Variants in SPON1 observed in about 807,000 individuals in gnomAD.
SPON1 encodes the protein spondin-1.
In SPON1, 52 loss-of-function variants were observed where a neutral mutation model predicts 111.7. The ratio of observed to expected loss-of-function variants is 0.47; its 90% CI spans 0.37 to 0.59. The LOEUF is 0.59. Among genes scored for constraint, SPON1 ranks in the 20% least tolerant of loss-of-function variants. The pLI is 0.00. For synonymous variants in SPON1, 410 were observed against 395.8 expected (o/e 1.04, Z -0.43); for missense variants, 957 against 1,068.5 (o/e 0.90, Z 1.46).
At chr11:14,088,185 G>T (rs1849021765) in intron 5 of SPON1, among the ~76,000 whole-genome samples, 1 of 152,090 alleles carries the variant, frequency 6.6e-6, no homozygotes, top group African/African-American at 2.4e-5. Context: ...GATGCTAGCT[G>T]GTTATTTTGC....
chr11:14,140,502 C>G (rs908582043), intron 6 of SPON1, among the ~76,000 whole-genome samples: 2 of 152,308 alleles, frequency 1.3e-5, no homozygotes, highest in East Asian at 3.9e-4. Context: ...TCAAGCGATT[C>G]TCCTGCCTCA....
intron 5 of SPON1, among the ~76,000 whole-genome samples, chr11:14,121,206 A>G (rs1849302309): frequency 6.6e-6 from 1 of 152,216 alleles, no homozygotes. Flanking sequence ...AGGTAATACA[A>G]CTATTCATTA....
At chr11:14,120,209 G>T (rs1032765522) in intron 5 of SPON1, among the ~76,000 whole-genome samples, 2 of 152,252 alleles carry the variant, frequency 1.3e-5, no homozygotes. Context: ...ATATAGTAAA[G>T]TCTCACTACA....
chr11:14,044,632 A>C (rs1207845583), intron 3 of SPON1, among the ~76,000 whole-genome samples: 1 of 152,046 alleles, frequency 6.6e-6, no homozygotes, highest in Non-Finnish European at 1.5e-5. Flanking sequence ...ACAAACAAAT[A>C]AAATCCATAG....
intron 6 of SPON1, among the ~76,000 whole-genome samples, chr11:14,231,258 G>A (rs11023154): frequency 0.26 from 39,419 of 151,068 alleles, 5,401 homozygotes; most frequent in Admixed American, 0.37. Flanking sequence ...CTCAGCCTCC[G>A]GAGTAGCTGG....
intron 6 of SPON1, among the ~76,000 whole-genome samples, chr11:14,158,299 G>T (rs531580021): frequency 7.2e-5 from 11 of 152,160 alleles, no homozygotes; most frequent in Non-Finnish European, 1.3e-4. Context: ...CTTCCTTATG[G>T]TTTCCAATTT....
At chr11:14,044,575 G>A (rs1450294048) in intron 3 of SPON1, among the ~76,000 whole-genome samples, 1 of 152,170 alleles carries the variant, frequency 6.6e-6, no homozygotes, top group Non-Finnish European at 1.5e-5. Flanking sequence ...CTGTGCCACC[G>A]CACTCCAGCC....
chr11:14,143,331 G>T (rs1328190635), intron 6 of SPON1, among the ~76,000 whole-genome samples: 1 of 152,190 alleles, frequency 6.6e-6, no homozygotes, highest in Non-Finnish European at 1.5e-5. Context: ...GGAGGCTGAG[G>T]TGGGCAGATC....
intron 6 of SPON1, among the ~76,000 whole-genome samples, chr11:14,179,069 G>A (rs1250556543): frequency 6.6e-6 from 1 of 152,148 alleles, no homozygotes; most frequent in African/African-American, 2.4e-5. Flanking sequence ...AAAATTCAGG[G>A]TATGGTGGTC....
chr11:14,174,657 C>CA (rs1202773582), intron 6 of SPON1, among the ~76,000 whole-genome samples: 8 of 126,174 alleles, frequency 6.3e-5, no homozygotes, highest in Non-Finnish European at 1.0e-4. Flanking sequence ...TGTGGCAAGA[C>CA]AAAAAAAAGA....
chr11:14,009,979 T>A (rs1848391437), intron 2 of SPON1, among the ~76,000 whole-genome samples: 1 of 152,220 alleles, frequency 6.6e-6, no homozygotes, highest in Admixed American at 6.5e-5. Context: ...ACTGTATCAA[T>A]GTCTGTCTTT....
intron 7 of SPON1, among the ~76,000 whole-genome samples, chr11:14,245,008 G>A (rs1386593120): frequency 6.6e-6 from 1 of 152,168 alleles, no homozygotes; most frequent in Non-Finnish European, 1.5e-5. Flanking sequence ...CCAAGAAGAT[G>A]GTTTACGAAG....
At chr11:14,013,478 A>AGGAG (rs1345004805) in intron 2 of SPON1, among the ~76,000 whole-genome samples, 3 of 152,182 alleles carry the variant, frequency 2.0e-5, no homozygotes, top group African/African-American at 7.2e-5. Flanking sequence ...AAAAGAAAGG[A>AGGAG]GGAGGGAGTT....
chr11:14,221,132 A>C (rs1367925781), intron 6 of SPON1, among the ~76,000 whole-genome samples: 2 of 152,204 alleles, frequency 1.3e-5, no homozygotes, highest in Non-Finnish European at 2.9e-5. Context: ...CAACCAGCCC[A>C]TTCATTTATT....
intron 6 of SPON1, among the ~76,000 whole-genome samples, chr11:14,160,235 G>C (rs1015233367): frequency 6.8e-6 from 1 of 147,478 alleles, no homozygotes; most frequent in African/African-American, 2.5e-5. Context: ...CTTACAGTGA[G>C]GTTACATCCT....
At chr11:13,990,872 T>A (rs1164525043) in intron 2 of SPON1, among the ~76,000 whole-genome samples, 1 of 152,242 alleles carries the variant, frequency 6.6e-6, no homozygotes, top group Non-Finnish European at 1.5e-5. Flanking sequence ...TTGAAAATTC[T>A]TTTCTTTAAG....
chr11:14,166,358 A>T (rs1411122560), intron 6 of SPON1, among the ~76,000 whole-genome samples: 1 of 152,246 alleles, frequency 6.6e-6, no homozygotes, highest in Non-Finnish European at 1.5e-5. Context: ...AATTTTGTTC[A>T]CAAGAGTATA....
chr11:14,216,867 C>T (rs1249928127), intron 6 of SPON1, among the ~76,000 whole-genome samples: 2 of 152,090 alleles, frequency 1.3e-5, no homozygotes, highest in Non-Finnish European at 2.9e-5. Context: ...TCACAAAGAC[C>T]ACAAAAGAAT....
intron 2 of SPON1, among the ~76,000 whole-genome samples, chr11:14,039,687 C>G (rs1473530919): frequency 6.6e-6 from 1 of 151,944 alleles, no homozygotes; most frequent in East Asian, 1.9e-4. Flanking sequence ...TTTCTTTAGG[C>G]AAGATCATAA....
Sources: gnomAD v4.1 joint callset for allele counts (sites outside exome capture counted in the v4.1 genomes callset) on GRCh38, gnomAD v4.1.1 for gene constraint, MANE v1.5 for transcripts, NCBI Gene and HGNC (gene_info 2026-07-23, HGNC 2026-07-21) for gene names.